The following NPIPB8 variants were observed in gnomAD, a reference collection of about 807,000 sequenced individuals.
The protein encoded by NPIPB8 is nuclear pore complex interacting protein family member B8, also known as nuclear pore complex-interacting protein family member B8.
In NPIPB8, 3 loss-of-function variants were observed where a neutral mutation model predicts 5.3. The ratio of observed to expected loss-of-function variants is 0.57; its 90% CI spans 0.26 to 1.47. The LOEUF is 1.47. Ranked by LOEUF, NPIPB8 falls within the 40% of genes most tolerant of loss-of-function variation. The probability of loss-of-function intolerance (pLI) is 0.13; values close to 1 mark genes in which losing one functional copy is unlikely to be tolerated. For synonymous variants in NPIPB8, 18 were observed against 23.0 expected (o/e 0.78, Z 0.62); for missense variants, 50 against 50.2 (o/e 1.00, Z 0.01).
chr16:28,638,417 G>T lies in NPIPB8; in HGVS notation c.57G>T (p.Gln19His), dbSNP rs1375100393. 2.5e-6 allele frequency: 4 copies of T among 1,572,568 alleles called. No homozygotes were observed. Among genetic ancestry groups the T allele is most frequent in the East Asian group, 2.3e-5 (1 of 44,402 alleles). ...TPQFLSHDQG[Q>H]LTKELQQHVK... ...AGTTCCTGTCCCATGACCAGGGCCA[G>T]CTCACCAAGGAGCTGCAGCAGCATG... Residue 19 changes from glutamine to histidine, a missense_variant, in exon 2 of 8, where the codon CAG becomes CAT. Coordinates refer to ENST00000683297, the MANE Select transcript of NPIPB8 (RefSeq NM_001310136.2).
intron 2 of NPIPB8, among the ~76,000 whole-genome samples, chr16:28,639,442 C>T (rs1405416284): frequency 7.4e-5 from 8 of 107,598 alleles, no homozygotes; most frequent in African/African-American, 1.3e-4. Context: ...CACACACACA[C>T]ACATATATAT....
rs372294109 is a variant in NPIPB8, at chr16:28,644,947, T to C, written c.121-3188T>C. Reference sequence around the variant, plus strand: ...CGAGGAGCTGGACGTTGCAGTGAGCTGAGATGGCCCCGCTGCACTCTTGTC... The same window carrying C: ...CGAGGAGCTGGACGTTGCAGTGAGCCGAGATGGCCCCGCTGCACTCTTGTC... On this transcript the variant is annotated intron_variant, in intron 2 of 7. Coordinates refer to ENST00000683297, the MANE Select transcript of NPIPB8 (RefSeq NM_001310136.2). Among the ~76,000 whole-genome samples, 693 of 97,904 alleles carry C rather than the reference T, an allele frequency of 7.1e-3. 3 individuals are homozygous for C. Among genetic ancestry groups the C allele is most frequent in the African/African-American group, 0.026 (575 of 22,326 alleles). 64.2% of individuals were successfully genotyped at this position (97,904 alleles called of 152,430 possible).
intron 2 of NPIPB8, among the ~76,000 whole-genome samples, chr16:28,644,322 C>T (rs1181529343): frequency 8.5e-6 from 1 of 117,090 alleles, no homozygotes; most frequent in African/African-American, 3.8e-5. Context: ...TAATTTGAAC[C>T]GGATCCTTTC....
rs866589306 is a variant in NPIPB8 at position 28,640,955 on chromosome 16, G to A, written c.120+2475G>A. Among the ~76,000 whole-genome samples, 11 of 152,068 alleles carry A rather than the reference G, an allele frequency of 7.2e-5. No individual in the cohort carries two copies. The East Asian group carries it at 1.3e-3, about 19-fold the overall frequency. On this transcript the variant is annotated intron_variant, in intron 2 of 7. Coordinates refer to ENST00000683297, the MANE Select transcript of NPIPB8 (RefSeq NM_001310136.2). ...TTTAGTTCCTTTAAGTTAAATCCAG[G>A]CACTGTCTTTCCTGCAAGTCTCCTG...
At chr16:28,640,517 C>T (rs532768899) in intron 2 of NPIPB8, among the ~76,000 whole-genome samples, 4 of 152,234 alleles carry the variant, frequency 2.6e-5, no homozygotes, top group South Asian at 4.1e-4. Flanking sequence ...AAAGCAAATC[C>T]CATGGGTACA....
intron 2 of NPIPB8, among the ~76,000 whole-genome samples, chr16:28,642,188 C>T (rs1452280262): frequency 6.6e-6 from 1 of 151,586 alleles, no homozygotes; most frequent in South Asian, 2.1e-4. Context: ...TCACTGCAAC[C>T]TCCGCCTCCC....
rs1309569968 is a variant in NPIPB8, at chr16:28,638,223, G to C, written c.-39+73G>C. 2.8e-5 allele frequency: 41 copies of C among 1,480,780 alleles called. No homozygotes were observed. The East Asian group carries it at 9.8e-4, about 36-fold the overall frequency. The allele number at this position is 1,480,780 out of a possible 1,614,324, so 91.7% of individuals were successfully genotyped here. A position where few individuals can be genotyped will look rare whatever the true frequency, so the allele number is the denominator to read the frequency against. On this transcript the variant is annotated intron_variant, in intron 1 of 7. Transcript: ENST00000683297. ...AGTACAGGAATTTGAACTTGGTTCTGTCCTTTTCTGAAGCCCCTATGCTCT... is the reference window on the plus strand; with the variant it reads ...AGTACAGGAATTTGAACTTGGTTCTCTCCTTTTCTGAAGCCCCTATGCTCT...
chr16:28,641,212 A>T (rs3874735), intron 2 of NPIPB8, among the ~76,000 whole-genome samples: 5 of 151,822 alleles, frequency 3.3e-5, no homozygotes, highest in Admixed American at 2.0e-4. Context: ...GAGATGCTCC[A>T]TGAGGCCCCA....
intron 2 of NPIPB8, among the ~76,000 whole-genome samples, chr16:28,639,279 C>T (rs2047848423): frequency 6.7e-6 from 1 of 148,922 alleles, no homozygotes; most frequent in African/African-American, 2.5e-5. Flanking sequence ...TTTGAATGCT[C>T]TGTGCAGTCT....
intron 2 of NPIPB8, among the ~76,000 whole-genome samples, chr16:28,639,042 CTG>C (rs201387313): frequency 0.15 from 22,184 of 148,082 alleles, 2,134 homozygotes; most frequent in Middle Eastern, 0.3. Context: ...GCACTCCAGA[CTG>C]TGCGACAGAG....
intron 3 of NPIPB8, among the ~76,000 whole-genome samples, chr16:28,651,008 C>G (rs1266193418): frequency 9.5e-6 from 1 of 105,652 alleles, no homozygotes; most frequent in South Asian, 2.9e-4. Flanking sequence ...TTTTTTGAGA[C>G]GGAGTCTCAC....
At chr16:28,640,499 C>T (rs544107093) in intron 2 of NPIPB8, among the ~76,000 whole-genome samples, 1 of 152,256 alleles carries the variant, frequency 6.6e-6, no homozygotes, top group Non-Finnish European at 1.5e-5. Flanking sequence ...ACTCACATCT[C>T]CTGGGTCAAA....
At chr16:28,639,181 T>C (rs1447291210) in intron 2 of NPIPB8, among the ~76,000 whole-genome samples, 8 of 146,652 alleles carry the variant, frequency 5.5e-5, no homozygotes, top group Non-Finnish European at 9.0e-5. Context: ...AGTACATATA[T>C]ATGTTCTATA....
intron 2 of NPIPB8, among the ~76,000 whole-genome samples, chr16:28,640,426 G>A: frequency 6.6e-6 from 1 of 152,146 alleles, no homozygotes; most frequent in Non-Finnish European, 1.5e-5. Context: ...AGAGATGAAG[G>A]AGAGAGTGGC....
At chr16:28,644,763 G>C (rs1311938113) in intron 2 of NPIPB8, 2 of 538,278 alleles carry the variant, frequency 3.7e-6, no homozygotes, top group Non-Finnish European at 5.9e-6. Context: ...AGGGGGCCGA[G>C]GTGGGCAGAT....
chr16:28,642,189 T>C (rs368719853), intron 2 of NPIPB8, among the ~76,000 whole-genome samples: 2,947 of 150,968 alleles, frequency 0.02, 104 homozygotes, highest in African/African-American at 0.068. Context: ...CACTGCAACC[T>C]CCGCCTCCCG....
intron 2 of NPIPB8, among the ~76,000 whole-genome samples, chr16:28,640,781 G>T (rs142604345): frequency 2.6e-5 from 4 of 152,164 alleles, no homozygotes; most frequent in Non-Finnish European, 5.9e-5. Context: ...CAGTTTGGTC[G>T]AATGTAATCA....
rs529843473 is a variant in NPIPB8 at position 28,638,580 on chromosome 16, G to A, written c.120+100G>A. 1.8e-4 allele frequency: 257 copies of A among 1,415,504 alleles called. 1 individual carries two copies. Among genetic ancestry groups the A allele is most frequent in the East Asian group, 7.4e-4 (30 of 40,708 alleles). The allele number at this position is 1,415,504 out of a possible 1,614,324, so 87.7% of individuals were successfully genotyped here. On this transcript the variant is annotated intron_variant, in intron 2 of 7. Coordinates refer to ENST00000683297, the MANE Select transcript of NPIPB8 (RefSeq NM_001310136.2). ...GCGGGTGATGCTGGGGGAAGCTTAC[G>A]CAGTCACAGTACTGGCTTCTTCCTC...
At position 28,642,954 on chromosome 16, in the gene NPIPB8, A is replaced by T. The variant is rs1184361588; in HGVS notation, c.120+4474A>T. ...GGTTTTCAGCTGCCAGAGGCCTGAG[A>T]GAGTTTGGGCATACTCTGTGTGATC... On this transcript the variant is annotated intron_variant, in intron 2 of 7. Coordinates refer to ENST00000683297, the MANE Select transcript of NPIPB8 (RefSeq NM_001310136.2). 4.6e-5 allele frequency among the ~76,000 whole-genome samples: 7 copies of T among 152,324 alleles called. No homozygotes were observed. The East Asian group carries it at 5.8e-4, about 13-fold the overall frequency.
Sources: gnomAD v4.1 joint callset for allele counts (sites outside exome capture counted in the v4.1 genomes callset) on GRCh38, gnomAD v4.1.1 for gene constraint, MANE v1.5 for transcripts, NCBI Gene and HGNC (gene_info 2026-07-23, HGNC 2026-07-21) for gene names.